Variants in SIM2 observed in about 807,000 individuals in gnomAD.
SIM2 encodes the protein SIM bHLH transcription factor 2.
In SIM2, 28 loss-of-function variants were observed where a neutral mutation model predicts 64.8. The ratio of observed to expected loss-of-function variants is 0.43; its 90% CI spans 0.32 to 0.59. The LOEUF (loss-of-function observed/expected upper bound fraction) is 0.59. Among genes scored for constraint, SIM2 ranks in the 20% least tolerant of loss-of-function variants. The pLI, the probability that SIM2 is intolerant of heterozygous loss-of-function variation, is 0.07. For missense variants in SIM2, 847 were observed against 871.4 expected (o/e 0.97, Z 0.35); for synonymous variants, 408 against 391.1 (o/e 1.04, Z -0.51).
intron 8 of SIM2, among the ~76,000 whole-genome samples, chr21:36,742,233 G>C (rs1421699275): frequency 6.6e-6 from 1 of 151,964 alleles, no homozygotes; most frequent in Non-Finnish European, 1.5e-5. Context: ...ATATAAACTT[G>C]TGCTATCCAT....
At chr21:36,728,920 G>A (rs1188337207) in intron 6 of SIM2, among the ~76,000 whole-genome samples, 1 of 152,226 alleles carries the variant, frequency 6.6e-6, no homozygotes, top group Admixed American at 6.5e-5. Flanking sequence ...CCTGAAATTG[G>A]GTTTGTCAGG....
Position 36,731,097 on chromosome 21 carries a change from T to C in SIM2, c.796T>C (p.Tyr266His). ...GCAGGACCTGATCGAGAAGACCCTA[T>C]ACCATCACGTGCACGGCTGCGACGT... ...EPQDLIEKTLYHHVHGCDVFH... is the reference protein window; with the variant it reads ...EPQDLIEKTLHHHVHGCDVFH... Residue 266 changes from tyrosine to histidine, a missense_variant, in exon 7 of 11, where the codon TAC becomes CAC. Tyr to His is a moderately conservative substitution (Grantham distance 83). Around this residue, in one of 3 missense-constraint regions of SIM2, gnomAD observed 397 missense variants for 439.2 expected, o/e 0.90. Coordinates refer to ENST00000290399, the MANE Select transcript of SIM2 (RefSeq NM_005069.6). 2 of 1,614,044 alleles carry C rather than the reference T, an allele frequency of 1.2e-6. No individual in the cohort carries two copies. The highest frequency in any genetic ancestry group is 1.1e-5 in the South Asian group (1 of 91,078).
rs986571015 is a variant in SIM2, at chr21:36,703,169, A to T, written c.175+3248A>T. ...TGTTCCTTTTAACATAGATCTCCTC[A>T]GTTGTTAAGACAGAAAGAGGAACTC... On this transcript the variant is annotated intron_variant, in intron 1 of 10. Coordinates refer to ENST00000290399, the MANE Select transcript of SIM2 (RefSeq NM_005069.6). Among the ~76,000 whole-genome samples the T allele has an allele frequency of 3.9e-5, 6 of 152,126 alleles. No individual in the cohort carries two copies. The South Asian group carries it at 1.2e-3, about 32-fold the overall frequency.
At chr21:36,705,681 T>G (rs1262542509) in intron 1 of SIM2, among the ~76,000 whole-genome samples, 1 of 151,940 alleles carries the variant, frequency 6.6e-6, no homozygotes, top group African/African-American at 2.4e-5. Context: ...CGGGAGGAGG[T>G]GAGACCCCTG....
At position 36,726,677 on chromosome 21, in the gene SIM2, G is replaced by A. The variant is rs759631945; in HGVS notation, c.743+359G>A. 2.0e-5 allele frequency among the ~76,000 whole-genome samples: 3 copies of A among 152,248 alleles called. No homozygotes were observed. Among genetic ancestry groups the A allele is most frequent in the Non-Finnish European group, 4.4e-5 (3 of 68,044 alleles). On this transcript the variant is annotated intron_variant, in intron 6 of 10. Transcript: ENST00000290399. The surrounding 1 kb of genome is among the most constrained non-coding windows in gnomAD (Gnocchi z 4.5). ...CTTTTTTGAAGGCCATGATGTCAGAGCTCTGCCTCCTGCGTCCAAGGAGGA... is the reference window on the plus strand; with the variant it reads ...CTTTTTTGAAGGCCATGATGTCAGAACTCTGCCTCCTGCGTCCAAGGAGGA...
chr21:36,703,113 A>G, intron 1 of SIM2, among the ~76,000 whole-genome samples: 1 of 151,890 alleles, frequency 6.6e-6, no homozygotes, highest in East Asian at 1.9e-4. Context: ...GCATGTTCTC[A>G]CTCCACTGCA....
intron 2 of SIM2, among the ~76,000 whole-genome samples, chr21:36,711,249 C>T (rs928842): frequency 0.79 from 120,183 of 152,284 alleles, 47,979 homozygotes; most frequent in African/African-American, 0.92. Context: ...AAATGTGTCT[C>T]TTTAATGATT....
At chr21:36,728,568 G>A (rs1346406584) in intron 6 of SIM2, among the ~76,000 whole-genome samples, 1 of 152,232 alleles carries the variant, frequency 6.6e-6, no homozygotes, top group Non-Finnish European at 1.5e-5. Flanking sequence ...ATCTCTGGTT[G>A]TTCCTGCCAT....
At chr21:36,717,504 G>T (rs1454255706) in intron 3 of SIM2, among the ~76,000 whole-genome samples, 1 of 145,718 alleles carries the variant, frequency 6.9e-6, no homozygotes, top group Non-Finnish European at 1.5e-5. Context: ...CTGGAGTGCA[G>T]TGGTGCGATG....
intron 3 of SIM2, among the ~76,000 whole-genome samples, chr21:36,715,904 GT>G (rs11330310): frequency 0.023 from 3,485 of 149,252 alleles, 131 homozygotes; most frequent in African/African-American, 0.08. Context: ...TAAAATTTTA[GT>G]TTTTTTTTTG....
In SIM2 at chr21:36,723,001, G is replaced by A. The variant is rs546395612; in HGVS notation, c.458-44G>A. 5 of 1,481,442 alleles carry A rather than the reference G, an allele frequency of 3.4e-6. No individual in the cohort carries two copies. In the South Asian group the frequency reaches 4.5e-5, roughly 13 times the overall value. 91.8% of individuals were successfully genotyped at this position (1,481,442 alleles called of 1,614,324 possible). On this transcript the variant is annotated intron_variant, in intron 4 of 10. Transcript: ENST00000290399. ...TGCGGTTGGAATAAGGATGGGGGAA[G>A]CACGGAGGGACAGCTGCCAACCTCA... is the stretch of plus-strand genomic sequence containing the variant.
intron 1 of SIM2, among the ~76,000 whole-genome samples, chr21:36,708,616 A>T (rs973256879): frequency 2.4e-4 from 37 of 152,268 alleles, no homozygotes; most frequent in African/African-American, 7.7e-4. Flanking sequence ...GAGAGCTGGG[A>T]AGCCCAAGGG....
intron 1 of SIM2, among the ~76,000 whole-genome samples, chr21:36,705,888 C>T (rs527323731): frequency 6.6e-6 from 1 of 152,336 alleles, no homozygotes; most frequent in South Asian, 2.1e-4. Context: ...ATCGTCTAAC[C>T]TGGTGTTCCT....
chr21:36,717,575 G>A (rs902414421), intron 3 of SIM2, among the ~76,000 whole-genome samples: 4 of 151,122 alleles, frequency 2.6e-5, no homozygotes, highest in African/African-American at 7.3e-5. Flanking sequence ...GGCTTCCCTT[G>A]TAGCTGGGAT....
chr21:36,699,732 C>T lies in SIM2; in HGVS notation c.-15C>T, dbSNP rs979374259. 1 of 1,611,286 alleles carries T rather than the reference C, an allele frequency of 6.2e-7. No homozygotes were observed. The highest frequency in any genetic ancestry group is 1.1e-5 in the South Asian group (1 of 90,738). On this transcript the variant is annotated 5_prime_UTR_variant, in exon 1 of 11. Coordinates refer to ENST00000290399, the MANE Select transcript of SIM2 (RefSeq NM_005069.6). This position sits in a 1 kb window ranked among gnomAD's most constrained non-coding sequence, Gnocchi z 5.6. ...GGAGCACGGCCGGGTCTAATATGCC[C>T]GGAGCCGAGGCGCGATGAAGGAGAA...
In SIM2 at chr21:36,747,190, C is replaced by T. The variant is rs1317977292; in HGVS notation, c.1577-475C>T. Among the ~76,000 whole-genome samples, 4 of 151,988 alleles carry T rather than the reference C, an allele frequency of 2.6e-5. No homozygotes were observed. Among genetic ancestry groups the T allele is most frequent in the African/African-American group, 9.7e-5 (4 of 41,382 alleles). ...CCACTAAGGGACGGGCAGAAGAAAT[C>T]AGAGCAGACGGGGGCCCTCCAACAC... On this transcript the variant is annotated intron_variant, in intron 10 of 10. Transcript: ENST00000290399. This position sits in a 1 kb window ranked among gnomAD's most constrained non-coding sequence, Gnocchi z 4.5.
chr21:36,708,797 C>T (rs2088627860), intron 1 of SIM2, among the ~76,000 whole-genome samples: 1 of 152,182 alleles, frequency 6.6e-6, no homozygotes, highest in African/African-American at 2.4e-5. Flanking sequence ...AAATCGATAT[C>T]CCCGTTTGGC....
intron 1 of SIM2, among the ~76,000 whole-genome samples, chr21:36,706,388 A>C (rs2088582777): frequency 6.7e-6 from 1 of 150,312 alleles, no homozygotes; most frequent in Non-Finnish European, 1.5e-5. Flanking sequence ...CACCTTCCTC[A>C]CCCCCACCCC....
chr21:36,727,277 C>T (rs1327040587), intron 6 of SIM2, among the ~76,000 whole-genome samples: 23 of 151,940 alleles, frequency 1.5e-4, no homozygotes, highest in East Asian at 3.9e-4. Context: ...TCAGGTGATC[C>T]GCCCGCCTCA....
Sources: gnomAD v4.1 joint callset for allele counts (sites outside exome capture counted in the v4.1 genomes callset) on GRCh38, gnomAD v4.1.1 for gene constraint, gnomAD v4.1.1 regional missense constraint, Gnocchi (gnomAD v3.1) non-coding constraint, MANE v1.5 for transcripts, NCBI Gene and HGNC (gene_info 2026-07-23, HGNC 2026-07-21) for gene names.